The following RRBP1 variants were observed in gnomAD, a reference collection of about 807,000 sequenced individuals.
The protein encoded by RRBP1 is ribosome binding protein 1, also known as ribosome-binding protein 1.
A neutral mutation model predicts 165.2 loss-of-function variants in RRBP1; 94 were observed. The observed-to-expected ratio is 0.57, with a 90% CI of 0.48 to 0.68. The LOEUF is 0.68. RRBP1 is among the 30% of genes least tolerant of loss of function. The pLI is 0.00. For synonymous variants in RRBP1, 680 were observed against 714.5 expected (o/e 0.95, Z 0.77); for missense variants, 1,676 against 1,763.0 (o/e 0.95, Z 0.88).
intron 24 of RRBP1, 62 bp downstream of exon 24, chr20:17,614,675 T>C: frequency 6.3e-7 from 1 of 1,594,222 alleles, no homozygotes; most frequent in Non-Finnish European, 8.5e-7. Context: ...CTCCCGGTCC[T>C]GCCTCCCCGG....
Position 17,660,223 on chromosome 20 carries a change from G to A in RRBP1, c.285C>T (p.Leu95=). The A allele has an allele frequency of 3.7e-6, 6 of 1,613,432 alleles. No individual in the cohort carries two copies. Among genetic ancestry groups the A allele is most frequent in the Non-Finnish European group, 5.1e-6 (6 of 1,179,670 alleles). The change falls in exon 3 of 25, where the codon CTC becomes CTT. Residue 95 remains leucine (L), a synonymous_variant. Transcript: ENST00000377813. ...DHDPAPNVTV[L]LREPVRAPAV... ...CAGGAGCCCGCACTGGTTCTCGAAG[G>A]AGGACAGTCACATTGGGGGCTGGAT...
At chr20:17,649,197 C>T (rs949296811) in intron 3 of RRBP1, among the ~76,000 whole-genome samples, 8 of 152,188 alleles carry the variant, frequency 5.3e-5, no homozygotes, top group South Asian at 4.1e-4. Flanking sequence ...GCTTCAGACC[C>T]TGAGAAACTG....
rs1005091966 is a variant in RRBP1 at position 17,680,002 on chromosome 20, G to A, written c.-25C>T. 1.3e-5 allele frequency: 2 copies of A among 152,252 alleles called. No individual in the cohort carries two copies. The highest frequency in any genetic ancestry group is 4.8e-5 in the African/African-American group (2 of 41,452). 9.4% of individuals were successfully genotyped at this position (152,252 alleles called of 1,614,324 possible). The stretch of plus-strand genomic sequence containing the variant: ...GTAAAAGGAAAACTTCACCTACTAG[G>A]AGGTCTGCCCCGGCCTTTGCTTCAA... On this transcript the variant is annotated 5_prime_UTR_variant, in exon 2 of 25. Transcript: ENST00000377813.
rs781679222 is a variant in RRBP1, at chr20:17,635,564, G to A, written c.2438C>T (p.Thr813Met). 20 of 1,611,424 alleles carry A rather than the reference G, an allele frequency of 1.2e-5. No individual in the cohort carries two copies. Among genetic ancestry groups the A allele is most frequent in the Middle Eastern group, 1.7e-4 (1 of 6,000 alleles). Residue 813 changes from threonine (T) to methionine (M), a missense_variant, in exon 7 of 25, where the codon ACG becomes ATG. Physicochemically the swap from Thr to Met is moderately conservative, Grantham distance 81. Coordinates refer to ENST00000377813, the MANE Select transcript of RRBP1 (RefSeq NM_001365613.2). ...AGCTTACTTGCTCTCCACCTGGCTC[G>A]TGGCCTGGTTCAAGGCATCCCGCAG... Reference protein sequence around the residue: ...SILRDALNQATSQVESKQNAE... With the variant: ...SILRDALNQAMSQVESKQNAE...
At chr20:17,654,158 C>T (rs181406886) in intron 3 of RRBP1, among the ~76,000 whole-genome samples, 11 of 152,332 alleles carry the variant, frequency 7.2e-5, no homozygotes, top group Admixed American at 5.9e-4. Flanking sequence ...ACTCGACCTC[C>T]TCACATCCCA....
At chr20:17,651,915 C>G (rs1377228661) in intron 3 of RRBP1, among the ~76,000 whole-genome samples, 1 of 152,210 alleles carries the variant, frequency 6.6e-6, no homozygotes, top group Non-Finnish European at 1.5e-5. Context: ...CAGCCTGGGT[C>G]TGCAAAAGCA....
chr20:17,641,972 T>A (rs1217138648), intron 4 of RRBP1, 53 bp from the exon 5 acceptor site: 27 of 1,579,112 alleles, frequency 1.7e-5, no homozygotes, highest in Non-Finnish European at 2.3e-5. Context: ...ACTTGGCTCA[T>A]CCCCTGACCC....
chr20:17,617,590 G>A (rs1318232474), intron 20 of RRBP1, among the ~76,000 whole-genome samples: 10 of 152,182 alleles, frequency 6.6e-5, no homozygotes, highest in Admixed American at 2.6e-4. Flanking sequence ...GCACATCCCC[G>A]GCCTGGGCCA....
intron 3 of RRBP1, among the ~76,000 whole-genome samples, chr20:17,655,994 G>C (rs1739688381): frequency 1.3e-5 from 2 of 152,090 alleles, no homozygotes; most frequent in Admixed American, 6.6e-5. Flanking sequence ...ACAAGATCCT[G>C]GGTGATTCAT....
chr20:17,667,120 G>A (rs2036887238), intron 2 of RRBP1, among the ~76,000 whole-genome samples: 1 of 152,142 alleles, frequency 6.6e-6, no homozygotes, highest in Non-Finnish European at 1.5e-5. Flanking sequence ...GAGTCTCATA[G>A]AATAAGCTAA....
intron 2 of RRBP1, among the ~76,000 whole-genome samples, chr20:17,678,792 AT>A (rs1345160199): frequency 1.3e-5 from 2 of 152,234 alleles, no homozygotes; most frequent in Non-Finnish European, 2.9e-5. Context: ...TGGCTACTGT[AT>A]TGGACAACAC....
rs539992909 is a variant in RRBP1 at position 17,618,629 on chromosome 20, G to A, written c.3726C>T (p.Ser1242=). ...ESQSQLDAAK[S]EAQKQSDELA... ...GCTCATCGCTCTGTTTCTGGGCTTC[G>A]CTCTTGGCGGCATCGAGCTGAGATT... Residue 1242 remains serine, a synonymous_variant, in exon 20 of 25, where the codon AGC becomes AGT. Transcript: ENST00000377813. 1.2e-5 allele frequency: 19 copies of A among 1,614,006 alleles called. No individual in the cohort carries two copies. Among genetic ancestry groups the A allele is most frequent in the East Asian group, 4.5e-5 (2 of 44,880 alleles).
At chr20:17,644,430 A>G (rs1204760700) in intron 3 of RRBP1, among the ~76,000 whole-genome samples, 4 of 152,248 alleles carry the variant, frequency 2.6e-5, no homozygotes, top group Non-Finnish European at 4.4e-5. Flanking sequence ...AAAAGAAAAT[A>G]AAAACATGCA....
intron 2 of RRBP1, among the ~76,000 whole-genome samples, chr20:17,664,979 A>C (rs1293921001): frequency 1.3e-5 from 2 of 152,254 alleles, no homozygotes; most frequent in African/African-American, 4.8e-5. Context: ...TGACTCATAC[A>C]AAAGACTAAA....
chr20:17,656,038 G>C lies in RRBP1; in HGVS notation c.1912+2558C>G, dbSNP rs866662833. Among the ~76,000 whole-genome samples, 4 of 152,176 alleles carry C rather than the reference G, an allele frequency of 2.6e-5. No homozygotes were observed. The South Asian group carries it at 6.2e-4, about 24-fold the overall frequency. On this transcript the variant is annotated intron_variant, in intron 3 of 24. Coordinates refer to ENST00000377813, the MANE Select transcript of RRBP1 (RefSeq NM_001365613.2). ...CAAAGTTTAAGAAGCACTTCAGGAGGGGACGTCTCCAGGATCCTCACGGTG... is the reference window on the plus strand; with the variant it reads ...CAAAGTTTAAGAAGCACTTCAGGAGCGGACGTCTCCAGGATCCTCACGGTG...
chr20:17,674,724 C>T (rs561755388), intron 2 of RRBP1, among the ~76,000 whole-genome samples: 1 of 152,246 alleles, frequency 6.6e-6, no homozygotes, highest in African/African-American at 2.4e-5. Context: ...CACCACTGCA[C>T]TCCAGCCTGG....
At chr20:17,650,669 G>C (rs2036539547) in intron 3 of RRBP1, among the ~76,000 whole-genome samples, 1 of 152,238 alleles carries the variant, frequency 6.6e-6, no homozygotes, top group Non-Finnish European at 1.5e-5. Flanking sequence ...AAAGTACACT[G>C]TTCTGGAGCT....
intron 3 of RRBP1, among the ~76,000 whole-genome samples, chr20:17,644,765 T>C (rs185655698): frequency 1.3e-5 from 2 of 152,318 alleles, no homozygotes; most frequent in East Asian, 3.9e-4. Context: ...GAGTGGAAAG[T>C]ACACGTGGAA....
At chr20:17,680,998 A>G (rs1308410355) in intron 1 of RRBP1, among the ~76,000 whole-genome samples, 2 of 151,918 alleles carry the variant, frequency 1.3e-5, no homozygotes, top group Admixed American at 1.3e-4. Context: ...CTCGCGACTT[A>G]TCATTCGGAG....
Sources: gnomAD v4.1 joint callset for allele counts (sites outside exome capture counted in the v4.1 genomes callset) on GRCh38, gnomAD v4.1.1 for gene constraint, MANE v1.5 for transcripts, NCBI Gene and HGNC (gene_info 2026-07-23, HGNC 2026-07-21) for gene names.